The following RBFOX1 variants were observed in gnomAD, a reference collection of about 807,000 sequenced individuals.
The protein encoded by RBFOX1 is RNA binding protein fox-1 homolog 1.
A neutral mutation model predicts 57.7 loss-of-function variants in RBFOX1; 8 were observed. The observed-to-expected ratio is 0.14, with a 90% CI of 0.08 to 0.25. RBFOX1 has a LOEUF of 0.25. Among genes scored for constraint, RBFOX1 ranks in the 10% least tolerant of loss-of-function variants. RBFOX1 has a pLI of 1.00. For missense variants in RBFOX1, 611 were observed against 548.5 expected (o/e 1.11, Z -1.14); for synonymous variants, 326 against 222.4 (o/e 1.47, Z -4.15).
chr16:7,036,389 G>C (rs2044432718), intron 3 of RBFOX1, among the ~76,000 whole-genome samples: 1 of 152,106 alleles, frequency 6.6e-6, no homozygotes, highest in African/African-American at 2.4e-5. Flanking sequence ...CAGATCCCCA[G>C]ATAGGGTTCT....
In RBFOX1 at chr16:7,034,239, G is replaced by A. The variant is rs537017383; in HGVS notation, c.-15-17818G>A. On this transcript the variant is annotated intron_variant, in intron 3 of 15. Coordinates refer to ENST00000550418, the MANE Select transcript of RBFOX1 (RefSeq NM_018723.4). Reference sequence around the variant, plus strand: ...CCTTGTTTAGCCTCTCTCCATCTCAGTGCTCTCATCTGTTCAAGGGGATAA... The same window carrying A: ...CCTTGTTTAGCCTCTCTCCATCTCAATGCTCTCATCTGTTCAAGGGGATAA... 1.6e-4 allele frequency among the ~76,000 whole-genome samples: 25 copies of A among 152,238 alleles called. No homozygotes were observed. The East Asian group carries it at 3.5e-3, about 21-fold the overall frequency.
chr16:6,369,521 A>T (rs1267716851), intron 2 of RBFOX1, among the ~76,000 whole-genome samples: 1 of 152,108 alleles, frequency 6.6e-6, no homozygotes, highest in Non-Finnish European at 1.5e-5. Flanking sequence ...AGTTCATATG[A>T]ATTCCTCTCT....
chr16:6,125,150 C>T (rs979390260), intron 1 of RBFOX1, among the ~76,000 whole-genome samples: 8 of 152,198 alleles, frequency 5.3e-5, no homozygotes, highest in Non-Finnish European at 1.0e-4. Context: ...CTGTAAGGGA[C>T]ATTGTGCAGC....
chr16:6,744,496 C>G (rs1603500613), intron 3 of RBFOX1, among the ~76,000 whole-genome samples: 1 of 152,038 alleles, frequency 6.6e-6, no homozygotes, highest in Non-Finnish European at 1.5e-5. Context: ...GAAGTTATTT[C>G]TCCAATCGCA....
intron 4 of RBFOX1, among the ~76,000 whole-genome samples, chr16:7,256,797 A>G (rs906474495): frequency 7.9e-5 from 12 of 152,188 alleles, no homozygotes; most frequent in African/African-American, 2.9e-4. Context: ...ATCTTGGACC[A>G]GTCACCAGCT....
In RBFOX1 at chr16:7,676,787, C is replaced by G. The variant is rs1271196293; in HGVS notation, c.944C>G (p.Ala315Gly). 2 of 1,613,014 alleles carry G rather than the reference C, an allele frequency of 1.2e-6. No homozygotes were observed. The highest frequency in any genetic ancestry group is 3.3e-5 in the Admixed American group (2 of 59,978). The change falls in exon 14 of 16, where the codon GCA becomes GGA. Residue 315 changes from alanine (A) to glycine (G), a missense_variant. Physicochemically the swap from Ala to Gly is moderately conservative, Grantham distance 60 (BLOSUM62 0). Transcript: ENST00000550418. ...YGADIYGGYAAYRYAQPTPAT... is the reference protein window; with the variant it reads ...YGADIYGGYAGYRYAQPTPAT... Reference sequence around the variant, plus strand: ...CTTGTGTTTTAGGGTGGTTATGCTGCATACCGCTACGCCCAGCCTACCCCT... The same window carrying G: ...CTTGTGTTTTAGGGTGGTTATGCTGGATACCGCTACGCCCAGCCTACCCCT...
intron 1 of RBFOX1, among the ~76,000 whole-genome samples, chr16:6,271,729 A>C (rs2075242604): frequency 6.6e-6 from 1 of 152,182 alleles, no homozygotes; most frequent in Non-Finnish European, 1.5e-5. Context: ...TGTAAAATAC[A>C]AACCATCATA....
chr16:7,001,683 C>A (rs890426601), intron 3 of RBFOX1, among the ~76,000 whole-genome samples: 3 of 152,090 alleles, frequency 2.0e-5, no homozygotes, highest in Non-Finnish European at 2.9e-5. Flanking sequence ...TCTCAAACTC[C>A]TGACCTGAAG....
intron 2 of RBFOX1, among the ~76,000 whole-genome samples, chr16:6,328,668 C>T (rs2082655250): frequency 6.6e-6 from 1 of 152,224 alleles, no homozygotes; most frequent in Non-Finnish European, 1.5e-5. Flanking sequence ...TTCTCAGCTC[C>T]AGTTTCATCT....
At chr16:7,321,439 C>G (rs1179520512) in intron 4 of RBFOX1, among the ~76,000 whole-genome samples, 2 of 152,122 alleles carry the variant, frequency 1.3e-5, no homozygotes, top group Non-Finnish European at 2.9e-5. Context: ...AGCCACCATA[C>G]CTGTCCCAGA....
At chr16:7,067,336 A>G (rs373478979) in intron 4 of RBFOX1, among the ~76,000 whole-genome samples, 4 of 152,172 alleles carry the variant, frequency 2.6e-5, no homozygotes, top group African/African-American at 4.8e-5. Context: ...ATAGAACACA[A>G]ATTTACTATT....
At chr16:6,651,010 C>G (rs2098587804) in intron 2 of RBFOX1, among the ~76,000 whole-genome samples, 2 of 152,196 alleles carry the variant, frequency 1.3e-5, no homozygotes, top group Admixed American at 6.5e-5. Flanking sequence ...TCAAGTGATT[C>G]TCTTGTCTCA....
chr16:6,662,282 T>C (rs541025424), intron 3 of RBFOX1, among the ~76,000 whole-genome samples: 1 of 151,842 alleles, frequency 6.6e-6, no homozygotes, highest in Admixed American at 6.6e-5. Flanking sequence ...TCTCAACTGT[T>C]CTCACACACA....
At chr16:5,738,483 A>G (rs1318617831) in intron 3 of RBFOX1, among the ~76,000 whole-genome samples, 1 of 151,690 alleles carries the variant, frequency 6.6e-6, no homozygotes, top group African/African-American at 2.4e-5. Flanking sequence ...AATACAAAAA[A>G]ATTAGCTGGT....
At chr16:7,144,127 A>T (rs768172676) in intron 4 of RBFOX1, among the ~76,000 whole-genome samples, 30 of 152,154 alleles carry the variant, frequency 2.0e-4, no homozygotes, top group African/African-American at 7.0e-4. Flanking sequence ...TAGGTAATAG[A>T]TCATGAATAT....
At chr16:7,591,484 A>G (rs569786926) in intron 7 of RBFOX1, among the ~76,000 whole-genome samples, 273 of 152,370 alleles carry the variant, frequency 1.8e-3, no homozygotes, top group Non-Finnish European at 3.2e-3. Flanking sequence ...AACAATAACT[A>G]GGATACAAGA....
At chr16:7,026,385 T>C (rs1014671840) in intron 3 of RBFOX1, among the ~76,000 whole-genome samples, 4 of 152,204 alleles carry the variant, frequency 2.6e-5, no homozygotes, top group Non-Finnish European at 5.9e-5. Context: ...GTTTTCAAAA[T>C]TGCAGAATTA....
At chr16:5,361,119 C>G (rs2065538034) in intron 1 of RBFOX1, among the ~76,000 whole-genome samples, 1 of 152,192 alleles carries the variant, frequency 6.6e-6, no homozygotes, top group African/African-American at 2.4e-5. Flanking sequence ...TCCTGTGGTT[C>G]TATTGTCTTT....
intron 4 of RBFOX1, among the ~76,000 whole-genome samples, chr16:7,471,087 A>G (rs1010276697): frequency 6.6e-6 from 1 of 152,202 alleles, no homozygotes; most frequent in African/African-American, 2.4e-5. Flanking sequence ...GTTCTTCCCA[A>G]CCAGTCTCTC....
Sources: allele counts gnomAD v4.1 joint callset (sites outside exome capture counted in the v4.1 genomes callset), GRCh38; gene constraint gnomAD v4.1.1; transcripts MANE v1.5; gene names NCBI Gene and HGNC (gene_info 2026-07-23, HGNC 2026-07-21).